FER: variants seen among roughly 807,000 people sequenced by gnomAD.
FER encodes the protein tyrosine-protein kinase Fer.
In FER, 63 loss-of-function variants were observed where a neutral mutation model predicts 111.0. That is an observed-to-expected ratio of 0.57 (90% CI 0.46 to 0.70). The LOEUF (loss-of-function observed/expected upper bound fraction) is 0.70, where lower values mean the gene tolerates loss of function less well. FER is among the 30% of genes least tolerant of loss of function. The probability of loss-of-function intolerance (pLI) is 0.00; values close to 1 mark genes in which losing one functional copy is unlikely to be tolerated. For missense variants in FER, 914 were observed against 954.0 expected (o/e 0.96, Z 0.55); for synonymous variants, 327 against 313.9 (o/e 1.04, Z -0.44).
intron 16 of FER, among the ~76,000 whole-genome samples, chr5:109,069,140 T>C (rs1300219430): frequency 6.6e-6 from 1 of 152,166 alleles, no homozygotes; most frequent in East Asian, 1.9e-4. Flanking sequence ...ATTAAACCTT[T>C]AGATTCTAGG....
At chr5:108,951,258 C>T (rs144528221) in intron 11 of FER, among the ~76,000 whole-genome samples, 3 of 152,042 alleles carry the variant, frequency 2.0e-5, no homozygotes, top group African/African-American at 7.2e-5. Flanking sequence ...AGCAAGACTC[C>T]ATCTCAAAAA....
intron 16 of FER, among the ~76,000 whole-genome samples, chr5:109,053,816 G>A (rs888781153): frequency 5.4e-5 from 8 of 149,214 alleles, no homozygotes; most frequent in South Asian, 2.1e-4. Flanking sequence ...TCAGCCTCCC[G>A]AGTAGCTGGG....
In FER at chr5:108,863,200, A is replaced by G. The variant is rs567389254; in HGVS notation, c.482-4567A>G. The stretch of plus-strand genomic sequence containing the variant: ...AGAGGCTTGATCTTGGTTCACTGCA[A>G]CCTCCGCCTCCTGGGTTAAAGTGAT... On this transcript the variant is annotated intron_variant, in intron 5 of 19. Transcript: ENST00000281092. Among the ~76,000 whole-genome samples, 9 of 151,902 alleles carry G rather than the reference A, an allele frequency of 5.9e-5. No individual in the cohort carries two copies. In the South Asian group the frequency reaches 6.3e-4, roughly 11 times the overall value.
chr5:109,105,251 T>C, intron 17 of FER, among the ~76,000 whole-genome samples: 1 of 148,232 alleles, frequency 6.7e-6, no homozygotes, highest in East Asian at 2.0e-4. Flanking sequence ...TGTGTGTGTG[T>C]GTGTGTGTGT....
rs1465082907 is a variant in FER at position 108,871,370 on chromosome 5, G to T, written c.671G>T (p.Gly224Val). 1.2e-6 allele frequency: 2 copies of T among 1,607,310 alleles called. No individual in the cohort carries two copies. The highest frequency in any genetic ancestry group is 1.7e-6 in the Non-Finnish European group (2 of 1,176,868). The part of the protein sequence containing the change: ...MQEEMIKALK[G>V]IFDEYSQITS... Reference sequence around the variant, plus strand: ...AATTTTATTTTTGTTTTCAGCAAAGGTATATTTGATGAATACAGCCAGATA... The same window carrying T: ...AATTTTATTTTTGTTTTCAGCAAAGTTATATTTGATGAATACAGCCAGATA... Residue 224 changes from glycine to valine, a missense_variant, in exon 7 of 20, where the codon GGT becomes GTT. Physicochemically the swap from Gly to Val is moderately radical, Grantham distance 109. This residue lies in a region of FER where 774 missense variants were observed against 782.6 expected (regional missense o/e 0.99). Transcript: ENST00000281092.
chr5:108,875,622 G>T (rs559556432), intron 8 of FER, among the ~76,000 whole-genome samples: 20 of 152,222 alleles, frequency 1.3e-4, no homozygotes, highest in African/African-American at 4.8e-4. Flanking sequence ...TTAAGTGTCT[G>T]TTTCGTGCTT....
intron 17 of FER, among the ~76,000 whole-genome samples, chr5:109,114,069 A>C (rs1305432508): frequency 1.3e-5 from 2 of 152,250 alleles, no homozygotes; most frequent in African/African-American, 4.8e-5. Flanking sequence ...CATTCTTAGA[A>C]TTGAAAGTCT....
rs1749374646 is a variant in FER, at chr5:108,897,824, A to T, written c.1212A>T (p.Glu404Asp). 2 of 1,612,224 alleles carry T rather than the reference A, an allele frequency of 1.2e-6. No individual in the cohort carries two copies. The highest frequency in any genetic ancestry group is 1.7e-6 in the Non-Finnish European group (2 of 1,179,312). Residue 404 changes from glutamate to aspartate, a missense_variant, in exon 10 of 20, where the codon GAA becomes GAT. Around this residue, in one of 3 missense-constraint regions of FER, gnomAD observed 774 missense variants for 782.6 expected, o/e 0.99. Coordinates refer to ENST00000281092, the MANE Select transcript of FER (RefSeq NM_005246.4). ...CACCTCCAGTAGTAAATTATGAAGA[A>T]GATGCACGATCAGTTACATCTATGG... is the stretch of plus-strand genomic sequence containing the variant. Reference protein sequence around the residue: ...KEPPPVVNYEEDARSVTSMER... With the variant: ...KEPPPVVNYEDDARSVTSMER...
Position 108,827,841 on chromosome 5 carries a change from T to TTC in FER, c.208-4929_208-4928insTC, listed in dbSNP as rs1554073127. On this transcript the variant is annotated intron_variant, in intron 3 of 19. Coordinates refer to ENST00000281092, the MANE Select transcript of FER (RefSeq NM_005246.4). ...TAGTATCTTTTTTTTTTTTTTTTTT[T>TTC]CCCCCAAGACAGGCTCTTGCTCTGT... 9.3e-4 allele frequency among the ~76,000 whole-genome samples: 138 copies of TTC among 148,854 alleles called. 2 individuals are homozygous for TTC. The East Asian group carries it at 0.024, about 26-fold the overall frequency.
chr5:108,805,963 A>C (rs191783894), intron 3 of FER, among the ~76,000 whole-genome samples: 5 of 152,282 alleles, frequency 3.3e-5, no homozygotes, highest in Admixed American at 2.6e-4. Flanking sequence ...TCACCAAGAC[A>C]ATGGCAAAAA....
At chr5:109,141,787 T>A (rs555101793) in intron 17 of FER, among the ~76,000 whole-genome samples, 1 of 152,200 alleles carries the variant, frequency 6.6e-6, no homozygotes, top group South Asian at 2.1e-4. Flanking sequence ...GGTGGAGATA[T>A]GTAATCCTCC....
Position 109,126,165 on chromosome 5 carries a change from C to T in FER, c.2048+25646C>T, listed in dbSNP as rs139528431. 3.4e-3 allele frequency among the ~76,000 whole-genome samples: 513 copies of T among 152,290 alleles called. 3 individuals are homozygous for T. The highest frequency in any genetic ancestry group is 5.6e-3 in the Non-Finnish European group (379 of 68,032). The stretch of plus-strand genomic sequence containing the variant: ...CTTAGCTGTAAAACACGAAAAAAGA[C>T]GCTAAACATTCACAGTGTAGGGTGA... On this transcript the variant is annotated intron_variant, in intron 17 of 19. Coordinates refer to ENST00000281092, the MANE Select transcript of FER (RefSeq NM_005246.4).
intron 9 of FER, among the ~76,000 whole-genome samples, chr5:108,896,061 A>G (rs1333495154): frequency 2.0e-5 from 3 of 151,886 alleles, no homozygotes. Context: ...GAAATCATTC[A>G]CCTTTTTGTG....
chr5:109,040,500 A>T (rs1286631416), intron 14 of FER, among the ~76,000 whole-genome samples: 1 of 152,154 alleles, frequency 6.6e-6, no homozygotes, highest in Admixed American at 6.6e-5. Context: ...TGATGCTGAA[A>T]AGCCAAACAA....
chr5:109,008,760 C>T (rs941184234), intron 13 of FER, among the ~76,000 whole-genome samples: 3 of 152,100 alleles, frequency 2.0e-5, no homozygotes, highest in African/African-American at 7.2e-5. Flanking sequence ...GCGGGCAGAT[C>T]AGGAGTTTGA....
intron 10 of FER, among the ~76,000 whole-genome samples, chr5:108,942,177 G>T (rs568308712): frequency 6.6e-6 from 1 of 152,110 alleles, no homozygotes; most frequent in Non-Finnish European, 1.5e-5. Context: ...TGAATAGGAC[G>T]GGAGCTAATT....
chr5:109,118,556 G>C lies in FER; in HGVS notation c.2048+18037G>C, dbSNP rs571704306. ...AGGGAGGATTCCCTCTTTTTCTATT[G>C]ATTGGAATAGTTTCAGAAGGAATGG... On this transcript the variant is annotated intron_variant, in intron 17 of 19. Coordinates refer to ENST00000281092, the MANE Select transcript of FER (RefSeq NM_005246.4). Among the ~76,000 whole-genome samples the C allele has an allele frequency of 2.6e-5, 4 of 152,180 alleles. No homozygotes were observed. The East Asian group carries it at 7.7e-4, about 29-fold the overall frequency.
chr5:108,855,465 C>CA (rs1762909702), intron 5 of FER, among the ~76,000 whole-genome samples: 1 of 151,540 alleles, frequency 6.6e-6, no homozygotes, highest in East Asian at 2.0e-4. Flanking sequence ...CTAAAAAATA[C>CA]AAAAAATTAG....
At chr5:108,819,582 G>T (rs1455232720) in intron 3 of FER, among the ~76,000 whole-genome samples, 1 of 152,152 alleles carries the variant, frequency 6.6e-6, no homozygotes, top group Admixed American at 6.6e-5. Context: ...CCTGCTGCGA[G>T]TGTGCAAGAG....
Sources: gnomAD v4.1 joint callset for allele counts (sites outside exome capture counted in the v4.1 genomes callset) on GRCh38, gnomAD v4.1.1 for gene constraint, gnomAD v4.1.1 regional missense constraint, MANE v1.5 for transcripts, NCBI Gene and HGNC (gene_info 2026-07-23, HGNC 2026-07-21) for gene names.